RELN: variants seen among roughly 807,000 people sequenced by gnomAD.
RELN encodes reelin.
Under a neutral mutation model 427.6 loss-of-function variants are expected in RELN, and 108 were observed. The ratio of observed to expected loss-of-function variants is 0.25; its 90% CI spans 0.22 to 0.30. RELN has a LOEUF of 0.30. Among genes scored for constraint, RELN ranks in the 10% least tolerant of loss-of-function variants. The probability of loss-of-function intolerance (pLI) is 1.00; values close to 1 mark genes in which losing one functional copy is unlikely to be tolerated. For missense variants in RELN, 3,715 were observed against 4,302.8 expected, an observed-to-expected ratio of 0.86 and a Z score of 3.82; for synonymous variants, 1,524 against 1,513.4, an observed-to-expected ratio of 1.01 and a Z score of -0.16.
intron 5 of RELN, 99 bp from the exon 6 acceptor site, chr7:103,749,603 T>C (rs1021739136): frequency 1.3e-5 from 11 of 874,942 alleles, no homozygotes; most frequent in African/African-American, 9.9e-5. Context: ...GAATAATGTA[T>C]CCTAAAACTA....
Position 103,534,541 on chromosome 7 carries a change from G to A in RELN, c.7349+775C>T, listed in dbSNP as rs1584271357. Among the ~76,000 whole-genome samples, 8 of 151,994 alleles carry A rather than the reference G, an allele frequency of 5.3e-5. No homozygotes were observed. In the South Asian group the frequency reaches 1.2e-3, roughly 24 times the overall value. On this transcript the variant is annotated intron_variant, in intron 46 of 64. Transcript: ENST00000428762. ...CTGGCTCTGACACCCAAGCTGGAGT[G>A]CAGTGGCATGATCATAGCTCACTGC...
chr7:103,577,886 T>C (rs149346694), intron 28 of RELN, among the ~76,000 whole-genome samples: 12 of 152,268 alleles, frequency 7.9e-5, no homozygotes, highest in African/African-American at 2.4e-4. Context: ...ATCCACAGCA[T>C]CTGTGGTAAG....
chr7:103,973,355 C>T (rs1796803708), intron 1 of RELN, among the ~76,000 whole-genome samples: 1 of 151,996 alleles, frequency 6.6e-6, no homozygotes, highest in Admixed American at 6.6e-5. Flanking sequence ...TTATTATAAT[C>T]CACAATTTAA....
intron 2 of RELN, among the ~76,000 whole-genome samples, chr7:103,854,483 T>C (rs1475479308): frequency 6.6e-6 from 1 of 152,192 alleles, no homozygotes; most frequent in African/African-American, 2.4e-5. Context: ...AACATACATA[T>C]AATAAAGTAC....
intron 2 of RELN, among the ~76,000 whole-genome samples, chr7:103,840,410 C>T (rs1793524740): frequency 6.6e-6 from 1 of 152,220 alleles, no homozygotes; most frequent in Non-Finnish European, 1.5e-5. Flanking sequence ...TTCTGTTACA[C>T]ACTACTGTAT....
intron 1 of RELN, among the ~76,000 whole-genome samples, chr7:103,955,194 A>G (rs1796408834): frequency 6.6e-6 from 1 of 152,232 alleles, no homozygotes; most frequent in African/African-American, 2.4e-5. Flanking sequence ...ATCTATGCCT[A>G]TCTATGAGAC....
At chr7:103,704,824 C>T (rs1043652098) in intron 8 of RELN, among the ~76,000 whole-genome samples, 3 of 152,106 alleles carry the variant, frequency 2.0e-5, no homozygotes, top group African/African-American at 7.2e-5. Flanking sequence ...TTTTCTTTTC[C>T]CCACTCCATC....
intron 2 of RELN, among the ~76,000 whole-genome samples, chr7:103,902,856 T>C (rs1795112809): frequency 6.6e-6 from 1 of 152,184 alleles, no homozygotes; most frequent in South Asian, 2.1e-4. Flanking sequence ...AGAACTATTT[T>C]CTAGGACATG....
chr7:103,745,152 C>G (rs1790784288), intron 6 of RELN, among the ~76,000 whole-genome samples: 1 of 152,002 alleles, frequency 6.6e-6, no homozygotes, highest in Non-Finnish European at 1.5e-5. Flanking sequence ...TAAACAGAAC[C>G]AAAGACAAAA....
chr7:103,837,003 C>T (rs1372434085), intron 2 of RELN, among the ~76,000 whole-genome samples: 3 of 152,134 alleles, frequency 2.0e-5, no homozygotes, highest in Non-Finnish European at 4.4e-5. Flanking sequence ...AAGGACTCCT[C>T]AATCCCCAAG....
chr7:103,984,347 AC>A (rs1182062346), intron 1 of RELN, among the ~76,000 whole-genome samples: 20 of 152,278 alleles, frequency 1.3e-4, no homozygotes, highest in African/African-American at 4.6e-4. Flanking sequence ...CAACGATACA[AC>A]ATTACCATTT....
intron 4 of RELN, among the ~76,000 whole-genome samples, chr7:103,764,575 T>G (rs1171055610): frequency 6.6e-6 from 1 of 151,978 alleles, no homozygotes; most frequent in African/African-American, 2.4e-5. Flanking sequence ...TGGTGGCTCA[T>G]GCCTGGAATC....
rs181761096 is a variant in RELN at position 103,654,213 on chromosome 7, A to G, written c.1442-8T>C. On this transcript the variant is annotated splice_polypyrimidine_tract_variant and splice_region_variant and intron_variant, in intron 12 of 64. Coordinates refer to ENST00000428762, the MANE Select transcript of RELN (RefSeq NM_005045.4). ...CAGGGTCACAAATTCCTCCTGCACA[A>G]AACAAAAATTTTAAGTTGCTAGTAC... 3.6e-4 allele frequency: 563 copies of G among 1,552,224 alleles called. 1 individual carries two copies. The African/African-American group carries it at 7.2e-3, about 20-fold the overall frequency.
chr7:103,898,797 C>T (rs925398963), intron 2 of RELN, among the ~76,000 whole-genome samples: 1 of 151,870 alleles, frequency 6.6e-6, no homozygotes, highest in Non-Finnish European at 1.5e-5. Context: ...TCCTTTAAAG[C>T]TAGAGCAAAA....
chr7:103,486,435 T>G lies in RELN; in HGVS notation c.9764-19A>C. 1 of 1,592,956 alleles carries G rather than the reference T, an allele frequency of 6.3e-7. No homozygotes were observed. The highest frequency in any genetic ancestry group is 1.1e-5 in the South Asian group (1 of 90,594). On this transcript the variant is annotated intron_variant, in intron 60 of 64. Coordinates refer to ENST00000428762, the MANE Select transcript of RELN (RefSeq NM_005045.4). ...TCATCACCTAGAGGACAAGGAGCAG[T>G]CACAGAAATTAAGTGGACCAACCAG... is the stretch of plus-strand genomic sequence containing the variant.
chr7:103,483,071 A>G, intron 62 of RELN, 100 bp from the exon 63 acceptor site: 1 of 909,256 alleles, frequency 1.1e-6, no homozygotes, highest in East Asian at 2.4e-5. Flanking sequence ...GCTAATCTAA[A>G]TCAACAAAAT....
rs1797147319 is a variant in RELN, at chr7:103,988,399, C to A, written c.226+732G>T. On this transcript the variant is annotated intron_variant, in intron 1 of 64. Transcript: ENST00000428762. This position sits in a 1 kb window ranked among gnomAD's most constrained non-coding sequence, Gnocchi z 4.9. ...AAATTATAAGGGATTCCAGCCTCTACCTGGAAATTAAAGCTGTGCAGATAA... is the reference window on the plus strand; with the variant it reads ...AAATTATAAGGGATTCCAGCCTCTAACTGGAAATTAAAGCTGTGCAGATAA... 6.6e-6 allele frequency among the ~76,000 whole-genome samples: 1 copy of A among 152,100 alleles called. No individual in the cohort carries two copies. Among genetic ancestry groups the A allele is most frequent in the South Asian group, 2.1e-4 (1 of 4,828 alleles).
intron 12 of RELN, among the ~76,000 whole-genome samples, chr7:103,656,638 G>A (rs773639094): frequency 1.3e-5 from 2 of 151,982 alleles, no homozygotes; most frequent in South Asian, 4.1e-4. Context: ...TGAGAAAATC[G>A]CCCAATAATT....
intron 11 of RELN, among the ~76,000 whole-genome samples, chr7:103,676,821 T>C (rs1833536823): frequency 1.3e-5 from 2 of 151,410 alleles, no homozygotes; most frequent in African/African-American, 2.4e-5. Context: ...TTCTCATTCA[T>C]AGATGGGAAT....
Sources: gnomAD v4.1 joint callset for allele counts (sites outside exome capture counted in the v4.1 genomes callset) on GRCh38, gnomAD v4.1.1 for gene constraint, Gnocchi (gnomAD v3.1) non-coding constraint, MANE v1.5 for transcripts, NCBI Gene and HGNC (gene_info 2026-07-23, HGNC 2026-07-21) for gene names.